The following SOX5 variants were observed in gnomAD, a reference collection of about 807,000 sequenced individuals.
SOX5 encodes transcription factor SOX-5.
SOX5 carries 9 observed loss-of-function variants against 92.0 expected under a neutral mutation model. That is an observed-to-expected ratio of 0.10 (90% confidence interval 0.06 to 0.17). The LOEUF is 0.17. Among genes scored for constraint, SOX5 ranks in the 10% least tolerant of loss-of-function variants. The pLI is 1.00. For missense variants in SOX5, 642 were observed against 944.5 expected (o/e 0.68, Z 4.20); for synonymous variants, 344 against 336.3 (o/e 1.02, Z -0.25).
At chr12:24,212,505 A>G in intron 4 of SOX5, 1 of 532,760 alleles carries the variant, frequency 1.9e-6, no homozygotes, top group Non-Finnish European at 3.9e-6. Context: ...GGGAGGGGTT[A>G]CAAGGAAGGA....
chr12:23,883,293 A>T (rs2097020680), intron 2 of SOX5, among the ~76,000 whole-genome samples: 1 of 152,148 alleles, frequency 6.6e-6, no homozygotes, highest in Non-Finnish European at 1.5e-5. Flanking sequence ...ATTACATCCG[A>T]GGATACTGAC....
At chr12:23,991,222 G>T (rs934363801) in intron 4 of SOX5, among the ~76,000 whole-genome samples, 7 of 151,030 alleles carry the variant, frequency 4.6e-5, no homozygotes, top group Non-Finnish European at 8.8e-5. Context: ...AATTAGCCAG[G>T]CATGGTAGCA....
chr12:24,100,240 C>A (rs1945925003), intron 4 of SOX5, among the ~76,000 whole-genome samples: 1 of 152,092 alleles, frequency 6.6e-6, no homozygotes, highest in African/African-American at 2.4e-5. Context: ...TTTTTAGGCT[C>A]CTTATTCACA....
In SOX5 at chr12:24,228,073, C is replaced by T. The variant is rs539398262; in HGVS notation, c.-76-14656G>A. ...ATGTCTCCACTGACAAAGAGAAAGG[C>T]ATATGGCTTCCTTCCTCCCTGGTGT... On this transcript the variant is annotated intron_variant, in intron 3 of 4. Transcript: ENST00000446891. 3.3e-5 allele frequency among the ~76,000 whole-genome samples: 5 copies of T among 152,294 alleles called. No individual in the cohort carries two copies. The South Asian group carries it at 1.0e-3, about 32-fold the overall frequency.
chr12:24,308,825 T>C (rs940787085), intron 2 of SOX5, among the ~76,000 whole-genome samples: 1 of 152,180 alleles, frequency 6.6e-6, no homozygotes, highest in Non-Finnish European at 1.5e-5. Context: ...TATGGAAAAT[T>C]GAGCATTGAG....
chr12:24,347,443 C>T (rs926973232), intron 2 of SOX5, among the ~76,000 whole-genome samples: 1 of 152,032 alleles, frequency 6.6e-6, no homozygotes, highest in African/African-American at 2.4e-5. Context: ...ACCTCACATG[C>T]TTATTTTTTT....
chr12:23,753,593 G>T lies in SOX5; in HGVS notation c.568+2045C>A, dbSNP rs117175205. Among the ~76,000 whole-genome samples, 29 of 151,672 alleles carry T rather than the reference G, an allele frequency of 1.9e-4. No homozygotes were observed. In the East Asian group the frequency reaches 5.1e-3, roughly 26 times the overall value. ...GATTTTAAAAAAAAGATTACTTATT[G>T]TTCCCTCCCTCAACTAAACAAGTAT... is the stretch of plus-strand genomic sequence containing the variant. On this transcript the variant is annotated intron_variant, in intron 4 of 14. Coordinates refer to ENST00000451604, the MANE Select transcript of SOX5 (RefSeq NM_006940.6).
chr12:23,597,900 G>A (rs912883299), intron 9 of SOX5, among the ~76,000 whole-genome samples: 4 of 152,128 alleles, frequency 2.6e-5, no homozygotes, highest in Non-Finnish European at 4.4e-5. Flanking sequence ...ATTTAAATGC[G>A]GTTATAATTA....
At chr12:24,129,033 A>G (rs993095692) in intron 4 of SOX5, among the ~76,000 whole-genome samples, 1 of 152,210 alleles carries the variant, frequency 6.6e-6, no homozygotes, top group African/African-American at 2.4e-5. Flanking sequence ...GCACATTTAC[A>G]AGGACATCTG....
intron 1 of SOX5, among the ~76,000 whole-genome samples, chr12:24,486,917 C>T (rs896761477): frequency 6.6e-6 from 1 of 152,174 alleles, no homozygotes; most frequent in Admixed American, 6.6e-5. Context: ...CAACTCCCCC[C>T]AGCTGAGATG....
chr12:23,922,298 G>A (rs1021697086), intron 1 of SOX5, among the ~76,000 whole-genome samples: 2 of 152,258 alleles, frequency 1.3e-5, no homozygotes, highest in Non-Finnish European at 2.9e-5. Context: ...AATGTCTAAT[G>A]TCATGTGTCC....
chr12:23,534,264 A>G lies in SOX5; in HGVS notation c.2247T>C (p.Asp749=). Residue 749 remains aspartate (D), a synonymous_variant, in exon 15 of 15, where the codon GAT becomes GAC. Coordinates refer to ENST00000451604, the MANE Select transcript of SOX5 (RefSeq NM_006940.6). ...TATGGTTTTCACTGTCACTCCCATAATCTACATCTGGATCATCCTCTTCCT... is the reference window on the plus strand; with the variant it reads ...TATGGTTTTCACTGTCACTCCCATAGTCTACATCTGGATCATCCTCTTCCT... The part of the protein sequence containing the change: ...YDEEEDDPDV[D]YGSDSENHIA... 6.2e-7 allele frequency: 1 copy of G among 1,614,120 alleles called. No individual in the cohort carries two copies. Among genetic ancestry groups the G allele is most frequent in the African/African-American group, 1.3e-5 (1 of 75,022 alleles).
chr12:23,980,151 A>G (rs964815144), intron 4 of SOX5, among the ~76,000 whole-genome samples: 4 of 151,970 alleles, frequency 2.6e-5, no homozygotes, highest in East Asian at 1.9e-4. Flanking sequence ...TGCATTTCAT[A>G]TATTCTTTTC....
chr12:24,306,026 G>A (rs1448282236), intron 2 of SOX5, among the ~76,000 whole-genome samples: 1 of 152,186 alleles, frequency 6.6e-6, no homozygotes, highest in Non-Finnish European at 1.5e-5. Context: ...GGAACGTGAG[G>A]ATCAGAAAAT....
chr12:23,970,620 A>G (rs1231844308), intron 4 of SOX5, among the ~76,000 whole-genome samples: 1 of 150,894 alleles, frequency 6.6e-6, no homozygotes, highest in Non-Finnish European at 1.5e-5. Flanking sequence ...AACATGTATA[A>G]TTGTTTTTTA....
intron 4 of SOX5, among the ~76,000 whole-genome samples, chr12:24,207,846 G>A (rs1039974559): frequency 3.3e-5 from 5 of 152,154 alleles, no homozygotes; most frequent in South Asian, 4.1e-4. Flanking sequence ...TAGCTGCATC[G>A]TCAACTCTCG....
chr12:23,855,543 G>A (rs1452060002), intron 2 of SOX5, among the ~76,000 whole-genome samples: 2 of 151,982 alleles, frequency 1.3e-5, no homozygotes, highest in African/African-American at 4.8e-5. Context: ...TTTATGTCAT[G>A]TTTCTATCTT....
In SOX5 at chr12:23,665,448, T is replaced by C. The variant is rs752765179; in HGVS notation, c.927A>G (p.Gly309=). 3 of 1,613,320 alleles carry C rather than the reference T, an allele frequency of 1.9e-6. No homozygotes were observed. Reference sequence around the variant, plus strand: ...TGAAAAATCAACAGTACTTACTACATCCAGCCTTATAGCTGAAGCCTGGAG... The same window carrying C: ...TGAAAAATCAACAGTACTTACTACACCCAGCCTTATAGCTGAAGCCTGGAG... ...LLPPGFSYKA[G]CSDPYPVQLI... is the part of the protein sequence containing the mutation. Residue 309 remains glycine, a synonymous_variant, in exon 7 of 15, where the codon GGA becomes GGG. Coordinates refer to ENST00000451604, the MANE Select transcript of SOX5 (RefSeq NM_006940.6).
At chr12:23,923,293 AAATGAATGAATGAATGAATG>A (rs142332141) in intron 1 of SOX5, among the ~76,000 whole-genome samples, 3 of 149,026 alleles carry the variant, frequency 2.0e-5, no homozygotes, top group Admixed American at 6.7e-5. Flanking sequence ...ACCCAAAAAT[AAATGAATGAATGAATGAATG>A]AATGAATGAA....
Sources: allele counts gnomAD v4.1 joint callset (sites outside exome capture counted in the v4.1 genomes callset), GRCh38; gene constraint gnomAD v4.1.1; transcripts MANE v1.5; gene names NCBI Gene and HGNC (gene_info 2026-07-23, HGNC 2026-07-21).